ZSWIM6: variants seen among roughly 807,000 people sequenced by gnomAD.
The protein encoded by ZSWIM6 is zinc finger SWIM domain-containing protein 6.
In ZSWIM6, 9 loss-of-function variants were observed where a neutral mutation model predicts 113.2. That is an observed-to-expected ratio of 0.08 (90% confidence interval 0.05 to 0.14). ZSWIM6 has a LOEUF of 0.14. Ranked by LOEUF, ZSWIM6 falls within the 10% of genes least tolerant of loss-of-function variation. ZSWIM6 has a pLI of 1.00. For synonymous variants in ZSWIM6, 611 were observed against 606.5 expected, an observed-to-expected ratio of 1.01 and a Z score of -0.11; for missense variants, 1,162 against 1,552.2, an observed-to-expected ratio of 0.75 and a Z score of 4.22.
At chr5:61,347,793 A>G (rs959280873) in intron 1 of ZSWIM6, 1 of 152,250 alleles carries the variant, frequency 6.6e-6, no homozygotes, top group Non-Finnish European at 1.5e-5. Context: ...ATAAGTTTTC[A>G]TGCTGAAAAC....
intron 1 of ZSWIM6, among the ~76,000 whole-genome samples, chr5:61,349,009 A>T (rs1308413807): frequency 6.6e-6 from 1 of 152,206 alleles, no homozygotes; most frequent in Non-Finnish European, 1.5e-5. Context: ...TTTTTTAATG[A>T]GAAATCAGAA....
At chr5:61,393,533 T>C (rs893388636) in intron 1 of ZSWIM6, among the ~76,000 whole-genome samples, 1 of 152,172 alleles carries the variant, frequency 6.6e-6, no homozygotes, top group African/African-American at 2.4e-5. Flanking sequence ...TGTTTAATTT[T>C]TTTATAGTCA....
At chr5:61,521,514 A>G in intron 5 of ZSWIM6, 72 bp downstream of exon 5, 1 of 1,207,978 alleles carries the variant, frequency 8.3e-7, no homozygotes, top group Non-Finnish European at 1.1e-6. Context: ...ATAGTAACTT[A>G]CAATGTATAT....
chr5:61,497,761 T>C (rs1489003373), intron 4 of ZSWIM6, among the ~76,000 whole-genome samples: 1 of 152,220 alleles, frequency 6.6e-6, no homozygotes, highest in Non-Finnish European at 1.5e-5. Context: ...TATATTAAAA[T>C]AGAAAGCCCC....
chr5:61,472,860 C>A lies in ZSWIM6; in HGVS notation c.856C>A (p.Pro286Thr). 3 of 1,551,672 alleles carry A rather than the reference C, an allele frequency of 1.9e-6. No homozygotes were observed. In the East Asian group the frequency reaches 7.3e-5, roughly 38 times the overall value. ...VALSLYRIRK[P>T]DQVKLHLPIS... is the part of the protein sequence containing the mutation. ...ACTGTCTTTATACCGCATCCGCAAG[C>A]CAGATCAGGTCAAACTGCATCTTCC... is the stretch of plus-strand genomic sequence containing the variant. The change falls in exon 2 of 14, where the codon CCA (proline) becomes ACA (threonine). Residue 286 changes from proline (P) to threonine (T), a missense_variant. Pro to Thr is a conservative substitution (Grantham distance 38). Coordinates refer to ENST00000252744, the MANE Select transcript of ZSWIM6 (RefSeq NM_020928.2). This position sits in a 1 kb window ranked among gnomAD's most constrained non-coding sequence, Gnocchi z 4.1.
chr5:61,353,214 G>C (rs758754210), intron 1 of ZSWIM6, among the ~76,000 whole-genome samples: 40 of 152,222 alleles, frequency 2.6e-4, no homozygotes, highest in Admixed American at 7.2e-4. Flanking sequence ...ATTGGGATGA[G>C]CTCTCATTTG....
intron 1 of ZSWIM6, among the ~76,000 whole-genome samples, chr5:61,447,483 C>T (rs1396268278): frequency 6.6e-6 from 1 of 152,126 alleles, no homozygotes; most frequent in Non-Finnish European, 1.5e-5. Flanking sequence ...GGAGCAAATC[C>T]AGCTGCTGGT....
At chr5:61,363,073 G>A (rs1195300667) in intron 1 of ZSWIM6, among the ~76,000 whole-genome samples, 1 of 152,174 alleles carries the variant, frequency 6.6e-6, no homozygotes, top group East Asian at 1.9e-4. Context: ...CTGTTCTTGA[G>A]CCACTGTAGA....
intron 1 of ZSWIM6, among the ~76,000 whole-genome samples, chr5:61,456,890 C>CTTTTTT (rs57188174): frequency 7.0e-6 from 1 of 142,758 alleles, no homozygotes; most frequent in East Asian, 2.0e-4. Context: ...TATCCAATTT[C>CTTTTTT]TTTTTTTTTT....
intron 4 of ZSWIM6, 79 bp from the exon 5 acceptor site, chr5:61,521,184 A>T (rs1749112076): frequency 6.7e-6 from 6 of 898,684 alleles, no homozygotes; most frequent in Admixed American, 8.9e-5. Flanking sequence ...ATTTTAATAA[A>T]TTTAAACAAT....
chr5:61,395,786 G>A (rs2112097410), intron 1 of ZSWIM6, among the ~76,000 whole-genome samples: 1 of 152,250 alleles, frequency 6.6e-6, no homozygotes, highest in South Asian at 2.1e-4. Context: ...TTATCTGATA[G>A]TAGAGTGTTC....
intron 1 of ZSWIM6, among the ~76,000 whole-genome samples, chr5:61,408,098 G>T (rs1439534219): frequency 6.6e-6 from 1 of 152,148 alleles, no homozygotes; most frequent in Non-Finnish European, 1.5e-5. Flanking sequence ...ATATATAGGG[G>T]ACTGCTAAAT....
intron 4 of ZSWIM6, among the ~76,000 whole-genome samples, chr5:61,516,375 C>G (rs1748940019): frequency 6.7e-6 from 1 of 148,482 alleles, no homozygotes; most frequent in Non-Finnish European, 1.5e-5. Flanking sequence ...CAGACCTAAG[C>G]TTTCACAGTC....
intron 1 of ZSWIM6, among the ~76,000 whole-genome samples, chr5:61,398,554 C>T (rs6858882): frequency 0.16 from 24,209 of 152,094 alleles, 2,161 homozygotes; most frequent in African/African-American, 0.22. Context: ...CATTTGAATC[C>T]TGGTTCCAGC....
intron 1 of ZSWIM6, among the ~76,000 whole-genome samples, chr5:61,348,882 C>T (rs1008587523): frequency 1.3e-5 from 2 of 152,148 alleles, no homozygotes; most frequent in Non-Finnish European, 2.9e-5. Context: ...ACAATCCCTT[C>T]TGTAAGGGAT....
chr5:61,409,071 GTTTTTTTTTTTT>G (rs745675137), intron 1 of ZSWIM6, among the ~76,000 whole-genome samples: 1 of 118,700 alleles, frequency 8.4e-6, no homozygotes, highest in Non-Finnish European at 1.7e-5. Flanking sequence ...GAGGGGAAAG[GTTTTTTTTTTTT>G]TTTTTTTTTT....
chr5:61,346,550 C>T lies in ZSWIM6; in HGVS notation c.676+13602C>T, dbSNP rs139304000. 6.3e-3 allele frequency among the ~76,000 whole-genome samples: 956 copies of T among 152,206 alleles called. 3 individuals are homozygous for T. The highest frequency in any genetic ancestry group is 0.01 in the Non-Finnish European group (701 of 68,016). ...CTGGATGTTAGTGGGTAAGAGACTA[C>T]CTTTTGTATCTTTAATGCAATTTAC... On this transcript the variant is annotated intron_variant, in intron 1 of 13. Transcript: ENST00000252744.
chr5:61,477,392 A>C (rs1460862730), intron 2 of ZSWIM6, among the ~76,000 whole-genome samples: 3 of 152,174 alleles, frequency 2.0e-5, no homozygotes, highest in African/African-American at 7.2e-5. Flanking sequence ...ATATTGGATG[A>C]GGGTTGGCAC....
intron 1 of ZSWIM6, among the ~76,000 whole-genome samples, chr5:61,435,017 A>G (rs759838409): frequency 6.6e-6 from 1 of 152,138 alleles, no homozygotes; most frequent in Non-Finnish European, 1.5e-5. Context: ...TTGTGAAAAG[A>G]CCCTTGTACT....
Sources: allele counts gnomAD v4.1 joint callset (sites outside exome capture counted in the v4.1 genomes callset), GRCh38; gene constraint gnomAD v4.1.1; non-coding constraint Gnocchi (gnomAD v3.1); transcripts MANE v1.5; gene names NCBI Gene and HGNC (gene_info 2026-07-23, HGNC 2026-07-21).